GATA3: variants seen among roughly 807,000 people sequenced by gnomAD.
GATA3 encodes trans-acting T-cell-specific transcription factor GATA-3.
In GATA3, 6 loss-of-function variants were observed where a neutral mutation model predicts 36.0. The observed-to-expected ratio is 0.17, with a 90% confidence interval of 0.09 to 0.33. The LOEUF (loss-of-function observed/expected upper bound fraction) is 0.33. GATA3 is among the 10% of genes least tolerant of loss of function. The pLI is 1.00. For synonymous variants in GATA3, 326 were observed against 273.0 expected, an observed-to-expected ratio of 1.19 and a Z score of -1.92; for missense variants, 514 against 610.1, an observed-to-expected ratio of 0.84 and a Z score of 1.66.
At chr10:8,053,587 G>GC (rs1372763137), upstream of GATA3, 5 of 150,100 alleles carry the variant, frequency 3.3e-5, no homozygotes, top group South Asian at 2.3e-4. The surrounding 1 kb of genome is among the most constrained non-coding windows in gnomAD (Gnocchi z 5.1). Context: ...GCCCCCGCTC[G>GC]CCCCGCCCCT....
intron 4 of GATA3, among the ~76,000 whole-genome samples, 170 bp downstream of exon 4, chr10:8,064,308 C>CTTTTTTTTTTTTTTTTT (rs1315616378): frequency 1.8e-5 from 2 of 114,136 alleles, no homozygotes; most frequent in Non-Finnish European, 3.4e-5. Flanking sequence ...TTTTCTTCTT[C>CTTTTTTTTTTTTTTTTT]TTCTTTTTTT....
intron 5 of GATA3, among the ~76,000 whole-genome samples, chr10:8,071,495 A>G (rs1234120684): frequency 6.6e-6 from 1 of 152,194 alleles, no homozygotes; most frequent in Non-Finnish European, 1.5e-5. Flanking sequence ...GATCACATAT[A>G]TATATATTTC....
At chr10:8,047,723 G>A (rs1225734128) in intron 1 of GATA3, among the ~76,000 whole-genome samples, 1 of 152,214 alleles carries the variant, frequency 6.6e-6, no homozygotes, top group Non-Finnish European at 1.5e-5. Flanking sequence ...ACAGGCACAT[G>A]CGTCTGGTTG....
In GATA3 at chr10:8,058,853, C is replaced by G; in HGVS notation, c.778+12C>G. On this transcript the variant is annotated intron_variant, in intron 3 of 5. Transcript: ENST00000379328. The stretch of plus-strand genomic sequence containing the variant: ...CCGGTCCAGCACAGGTAGGAGCCAG[C>G]TCTTCCCTGGAGCCTTTTCTCCTCC... 1.2e-6 allele frequency: 2 copies of G among 1,600,822 alleles called. No individual in the cohort carries two copies. Among genetic ancestry groups the G allele is most frequent in the South Asian group, 2.2e-5 (2 of 91,070 alleles).
rs183278424 is a variant in GATA3, at chr10:8,061,300, G to A, written c.778+2459G>A. Among the ~76,000 whole-genome samples, 19 of 152,264 alleles carry A rather than the reference G, an allele frequency of 1.2e-4. No homozygotes were observed. The East Asian group carries it at 2.5e-3, about 20-fold the overall frequency. On this transcript the variant is annotated intron_variant, in intron 3 of 5. Transcript: ENST00000379328. ...TCCAGGGCCGCTTCTTAGCTCCACT[G>A]CCACCTTTCCAGTTGGGCATCTCCC...
upstream of GATA3, chr10:8,050,649 C>T (rs1028367421): frequency 4.5e-6 from 1 of 220,714 alleles, no homozygotes; most frequent in Non-Finnish European, 9.1e-6. Flanking sequence ...CGGGACCGCC[C>T]AGGCAGGCGC....
chr10:8,056,138 C>G (rs887448872), intron 2 of GATA3, among the ~76,000 whole-genome samples: 28 of 152,136 alleles, frequency 1.8e-4, no homozygotes, highest in Middle Eastern at 6.3e-3. Flanking sequence ...TGGGGCCTGG[C>G]GCTCACCTGG....
chr10:8,058,120 C>T (rs904255841), intron 2 of GATA3, among the ~76,000 whole-genome samples, 185 bp from the exon 3 acceptor site: 1 of 152,288 alleles, frequency 6.6e-6, no homozygotes, highest in Middle Eastern at 3.4e-3. Flanking sequence ...CTGTCCCCAG[C>T]CTGACCCCCA....
chr10:8,045,379 CG>C (rs1181389024), exon 1 of GATA3: 1 of 152,482 alleles, frequency 6.6e-6, no homozygotes, highest in African/African-American at 2.4e-5. Flanking sequence ...GCCTGAGATG[CG>C]GTGAGCAGTT....
exon 1 of GATA3, chr10:8,045,453 G>C (rs1386217762): frequency 6.6e-6 from 1 of 152,444 alleles, no homozygotes; most frequent in African/African-American, 2.4e-5. Flanking sequence ...TCTGCCTTCA[G>C]ATCTCCGGGC....
intron 3 of GATA3, 61 bp downstream of exon 3, chr10:8,058,902 G>T (rs1240797807): frequency 6.5e-7 from 1 of 1,526,738 alleles, no homozygotes; most frequent in African/African-American, 1.4e-5. Flanking sequence ...CCTCAATCCA[G>T]GGCCGCACCC....
upstream of GATA3, among the ~76,000 whole-genome samples, chr10:8,051,838 C>T (rs535298670): frequency 1.1e-4 from 16 of 151,972 alleles, no homozygotes; most frequent in African/African-American, 3.6e-4. Context: ...CCTGGCCTGG[C>T]CCGGACCCCC....
chr10:8,049,546 C>T (rs182280755), upstream of GATA3, among the ~76,000 whole-genome samples: 250 of 152,270 alleles, frequency 1.6e-3, 2 homozygotes, highest in African/African-American at 5.8e-3. Context: ...GGGCGCCCTG[C>T]CGCAGCGGGC....
At chr10:8,068,586 T>C (rs763130735) in intron 4 of GATA3, among the ~76,000 whole-genome samples, 9 of 152,170 alleles carry the variant, frequency 5.9e-5, no homozygotes, top group Admixed American at 4.6e-4. Flanking sequence ...ACCCTGTCTC[T>C]ACTAAAAATA....
Position 8,074,206 on chromosome 10 carries a change from T to C in GATA3, c.*183T>C, listed in dbSNP as rs1173315519. ...ACTGTGGTGTCTGTGTTCCAACCAC[T>C]GAATCTGGACCCCATCTGTGAATAA... On this transcript the variant is annotated 3_prime_UTR_variant, in exon 6 of 6. Transcript: ENST00000379328. The C allele has an allele frequency of 9.2e-6, 6 of 653,932 alleles. No individual in the cohort carries two copies. The highest frequency in any genetic ancestry group is 4.2e-4 in the Middle Eastern group (1 of 2,400). 40.5% of individuals were successfully genotyped at this position (653,932 alleles called of 1,614,324 possible).
chr10:8,065,691 A>C (rs1588385382), intron 4 of GATA3, among the ~76,000 whole-genome samples: 1 of 132,686 alleles, frequency 7.5e-6, no homozygotes, highest in Admixed American at 7.7e-5. Context: ...CCTCTCCTCC[A>C]GCAGTTTGGT....
At chr10:8,067,308 G>A (rs1479207574) in intron 4 of GATA3, among the ~76,000 whole-genome samples, 8 of 152,094 alleles carry the variant, frequency 5.3e-5, no homozygotes, top group Non-Finnish European at 1.2e-4. Context: ...TTAGTTTCCA[G>A]TTCCTTAGAA....
chr10:8,071,541 G>A (rs1588390074), intron 5 of GATA3, among the ~76,000 whole-genome samples: 1 of 152,120 alleles, frequency 6.6e-6, no homozygotes, highest in East Asian at 1.9e-4. Flanking sequence ...AAGTAAAGCT[G>A]AGGAATCCTC....
chr10:8,065,539 G>A (rs1314064389), intron 4 of GATA3, among the ~76,000 whole-genome samples: 1 of 151,896 alleles, frequency 6.6e-6, no homozygotes, highest in Non-Finnish European at 1.5e-5. Flanking sequence ...TTACAGGCAT[G>A]AGCCACCGCT....
Sources: gnomAD v4.1 joint callset for allele counts (sites outside exome capture counted in the v4.1 genomes callset) on GRCh38, gnomAD v4.1.1 for gene constraint, Gnocchi (gnomAD v3.1) non-coding constraint, MANE v1.5 for transcripts, NCBI Gene and HGNC (gene_info 2026-07-23, HGNC 2026-07-21) for gene names.